PEX6: variants seen among roughly 807,000 people sequenced by gnomAD.
PEX6 encodes the protein peroxisome biogenesis factor 6.
A neutral mutation model predicts 85.6 loss-of-function variants in PEX6; 55 were observed. The ratio of observed to expected loss-of-function variants is 0.64; its 90% CI spans 0.52 to 0.80. PEX6 has a LOEUF of 0.80. PEX6 is among the 30% of genes least tolerant of loss of function. The pLI, the probability that PEX6 is intolerant of heterozygous loss-of-function variation, is 0.00. For missense variants in PEX6, 1,099 were observed against 1,260.3 expected (o/e 0.87, Z 1.94); for synonymous variants, 519 against 549.1 (o/e 0.95, Z 0.77).
In PEX6 at chr6:42,966,893, C is replaced by A. The variant is rs369004145; in HGVS notation, c.1885-35G>T. The A allele has an allele frequency of 2.6e-6, 4 of 1,558,988 alleles. No homozygotes were observed. In the African/African-American group the frequency reaches 5.4e-5, roughly 21 times the overall value. On this transcript the variant is annotated intron_variant, in intron 8 of 16. Transcript: ENST00000304611. ...CACAGGAAAGGACACATGAGCAGGGCACAGTAGGCAGGAACCTTCAGGGAC... is the reference window on the plus strand; with the variant it reads ...CACAGGAAAGGACACATGAGCAGGGAACAGTAGGCAGGAACCTTCAGGGAC...
chr6:42,973,291 C>T (rs1027810735), intron 3 of PEX6, among the ~76,000 whole-genome samples: 7 of 151,838 alleles, frequency 4.6e-5, no homozygotes, highest in Admixed American at 2.0e-4. Context: ...GGATTACAGT[C>T]GTGAGCCACC....
chr6:42,968,806 C>G, intron 6 of PEX6, 68 bp downstream of exon 6: 2 of 1,161,102 alleles, frequency 1.7e-6, no homozygotes, highest in Non-Finnish European at 2.6e-6. Context: ...GGAGAGGAAG[C>G]AGCAGAGAGG....
rs1268177698 is a variant in PEX6 at position 42,968,469 on chromosome 6, A to G, written c.1509T>C (p.Ser503=). ...GCAGTTTTGTCTCCACAGCCCCACT[A>G]CTTTCTGCACAGAGGCTGGAGCAGG... ...KVPCSSLCAE[S]SGAVETKLQA... Residue 503 remains serine, a synonymous_variant, in exon 7 of 17, where the codon AGT becomes AGC. Transcript: ENST00000304611. The G allele has an allele frequency of 3.8e-6, 6 of 1,591,108 alleles. No homozygotes were observed. Among genetic ancestry groups the G allele is most frequent in the Non-Finnish European group, 5.1e-6 (6 of 1,168,582 alleles).
rs1254816567 is a variant in PEX6, at chr6:42,978,994, G to C, written c.157C>G (p.Leu53Val). Residue 53 changes from leucine to valine, a missense_variant, in exon 1 of 17, where the codon CTG becomes GTG. This residue lies in a region of PEX6 where 579 missense variants were observed against 611.6 expected (regional missense o/e 0.95). Transcript: ENST00000304611. ...TCCGGCCCCTCCAGGGCTGCCACCA[G>C]CAGCGCCGGCCCTGCCGGGCTCTCC... is the stretch of plus-strand genomic sequence containing the variant. ...AGESPAGPALLVAALEGPDAG... is the reference protein window; with the variant it reads ...AGESPAGPALVVAALEGPDAG... 14 of 1,512,358 alleles carry C rather than the reference G, an allele frequency of 9.3e-6. No individual in the cohort carries two copies. Among genetic ancestry groups the C allele is most frequent in the Non-Finnish European group, 1.2e-5 (14 of 1,137,794 alleles). 93.7% of individuals were successfully genotyped at this position (1,512,358 alleles called of 1,614,324 possible).
rs369661341 is a variant in PEX6, at chr6:42,969,684, G to C, written c.1351C>G (p.Pro451Ala). ...CTCACTCACCCTGGCTGGAGGCGAG[G>C]CTTCAGGACAGCACAGAGTTCAGAC... ...LVSELCAVLK[P>A]RLQPGGALLT... Residue 451 changes from proline (P) to alanine (A), a missense_variant, in exon 5 of 17, where the codon CCT becomes GCT. Pro to Ala is a conservative substitution (Grantham distance 27, BLOSUM62 -1). Coordinates refer to ENST00000304611, the MANE Select transcript of PEX6 (RefSeq NM_000287.4). 3 of 1,612,736 alleles carry C rather than the reference G, an allele frequency of 1.9e-6. No individual in the cohort carries two copies. Among genetic ancestry groups the C allele is most frequent in the Non-Finnish European group, 2.5e-6 (3 of 1,180,008 alleles).
At chr6:42,972,560 G>A (rs1770099154) in intron 3 of PEX6, among the ~76,000 whole-genome samples, 1 of 152,118 alleles carries the variant, frequency 6.6e-6, no homozygotes, top group Non-Finnish European at 1.5e-5. Flanking sequence ...CACAAGGTCA[G>A]GAGATCGAGA....
rs942787028 is a variant in PEX6 at position 42,971,501 on chromosome 6, T to C, written c.1131-1514A>G. 2.0e-5 allele frequency among the ~76,000 whole-genome samples: 3 copies of C among 152,226 alleles called. No individual in the cohort carries two copies. Among genetic ancestry groups the C allele is most frequent in the Non-Finnish European group, 4.4e-5 (3 of 68,030 alleles). On this transcript the variant is annotated intron_variant, in intron 3 of 16. Coordinates refer to ENST00000304611, the MANE Select transcript of PEX6 (RefSeq NM_000287.4). This position sits in a 1 kb window ranked among gnomAD's most constrained non-coding sequence, Gnocchi z 4.4. ...CTGAGCTGTGCTCCAGCCAGCCAGATAGGTGATAGTGGAGCTGGCTCCCAT... is the reference window on the plus strand; with the variant it reads ...CTGAGCTGTGCTCCAGCCAGCCAGACAGGTGATAGTGGAGCTGGCTCCCAT...
At chr6:42,966,974 T>G (rs1274073592) in intron 8 of PEX6, 116 bp from the exon 9 acceptor site, 26 of 767,526 alleles carry the variant, frequency 3.4e-5, no homozygotes, top group African/African-American at 5.4e-5. Flanking sequence ...GTTGTTTTTT[T>G]TTTTTTTTTT....
Position 42,964,660 on chromosome 6 carries a change from G to T in PEX6, c.2806+130C>A. 2.2e-6 allele frequency: 3 copies of T among 1,342,098 alleles called. No individual in the cohort carries two copies. The highest frequency in any genetic ancestry group is 3.2e-6 in the Non-Finnish European group (3 of 939,684). 83.1% of individuals were successfully genotyped at this position (1,342,098 alleles called of 1,614,324 possible). ...TTTAGAGTTGGGGTCTCTCTGTGTT[G>T]CCCAGGCTGGCCTCAAACTCCTGGG... On this transcript the variant is annotated intron_variant, in intron 16 of 16. Transcript: ENST00000304611. This position sits in a 1 kb window ranked among gnomAD's most constrained non-coding sequence, Gnocchi z 4.6.
Position 42,966,788 on chromosome 6 carries a change from T to A in PEX6, c.1955A>T (p.Asn652Ile). The A allele has an allele frequency of 6.2e-7, 1 of 1,613,870 alleles. No individual in the cohort carries two copies. Among genetic ancestry groups the A allele is most frequent in the Non-Finnish European group, 8.5e-7 (1 of 1,180,000 alleles). Residue 652 changes from asparagine (N) to isoleucine (I), a missense_variant, in exon 9 of 17, where the codon AAC becomes ATC. Asn to Ile is a moderately radical substitution (Grantham distance 149). This residue lies in a region of PEX6 where 514 missense variants were observed against 627.0 expected (regional missense o/e 0.82). Coordinates refer to ENST00000304611, the MANE Select transcript of PEX6 (RefSeq NM_000287.4). ...GGTGCCCACGTCCTCTTACCCTGAG[T>A]TCTTGATCCTGGTGCAGGCTGCCCG... ...SSRAACTRIK[N>I]SGLAGGLTEE...
intron 9 of PEX6, 62 bp from the exon 10 acceptor site, chr6:42,966,719 T>C: frequency 1.2e-6 from 2 of 1,613,692 alleles, no homozygotes; most frequent in Non-Finnish European, 1.7e-6. Flanking sequence ...TCTCCCTTCC[T>C]CACCACCCAC....
intron 3 of PEX6, among the ~76,000 whole-genome samples, chr6:42,972,578 G>A (rs1770100127): frequency 6.6e-6 from 1 of 152,066 alleles, no homozygotes; most frequent in African/African-American, 2.4e-5. Context: ...AGACCATCCT[G>A]GTTAACACGG....
At chr6:42,966,135 C>T in intron 11 of PEX6, 30 bp from the exon 12 acceptor site, 3 of 1,613,168 alleles carry the variant, frequency 1.9e-6, no homozygotes, top group Non-Finnish European at 2.5e-6. Context: ...AAGGTGAGAG[C>T]CGTCAGATGC....
In PEX6 at chr6:42,964,398, G is replaced by C; in HGVS notation, c.2880C>G (p.Pro960=). The change falls in exon 17 of 17, where the codon CCC becomes CCG. Residue 960 remains proline, a synonymous_variant. Coordinates refer to ENST00000304611, the MANE Select transcript of PEX6 (RefSeq NM_000287.4). This position sits in a 1 kb window ranked among gnomAD's most constrained non-coding sequence, Gnocchi z 4.6. ...DLLQAAARLQ[P]SVSEQELLRY... ...GGAGCAGCTCCTGCTCACTGACTGA[G>C]GGTTGCAGCCGGGCGGCAGCCTGCA... The C allele has an allele frequency of 6.2e-7, 1 of 1,613,876 alleles. No individual in the cohort carries two copies. The highest frequency in any genetic ancestry group is 8.5e-7 in the Non-Finnish European group (1 of 1,180,018).
intron 4 of PEX6, 40 bp from the exon 5 acceptor site, chr6:42,969,841 T>C: frequency 1.2e-6 from 2 of 1,614,032 alleles, no homozygotes; most frequent in Non-Finnish European, 1.7e-6. Flanking sequence ...CTAAAAATCG[T>C]TTCTACCCCC....
intron 3 of PEX6, 24 bp from the exon 4 acceptor site, chr6:42,970,011 C>G: frequency 2.5e-6 from 4 of 1,596,436 alleles, no homozygotes; most frequent in Non-Finnish European, 3.4e-6. Flanking sequence ...GCCCAATGAA[C>G]CCCAGATCCA....
Position 42,965,818 on chromosome 6 carries a change from G to A in PEX6, c.2363-29C>T. 6.3e-7 allele frequency: 1 copy of A among 1,582,740 alleles called. No homozygotes were observed. The highest frequency in any genetic ancestry group is 1.1e-5 in the South Asian group (1 of 90,410). On this transcript the variant is annotated intron_variant, in intron 12 of 16. Transcript: ENST00000304611. The surrounding 1 kb of genome is among the most constrained non-coding windows in gnomAD (Gnocchi z 5.0). ...AAGAGAGAGAGGGGCCCACAGGAGG[G>A]CAAAGCTCGGCTTGTGGGGGGTTGA...
intron 6 of PEX6, 140 bp from the exon 7 acceptor site, chr6:42,968,638 C>T: frequency 1.2e-6 from 1 of 814,708 alleles, no homozygotes; most frequent in Non-Finnish European, 2.0e-6. Flanking sequence ...TGGCCAAGTC[C>T]TACCTCTTTT....
rs1175666950 is a variant in PEX6, at chr6:42,964,609, G to T, written c.2807-138C>A. Reference sequence around the variant, plus strand: ...CCAGGACTAGGTTTGTCTCCCACTAGTTTTTTTTTTCCCTTAAACATTTTT... The same window carrying T: ...CCAGGACTAGGTTTGTCTCCCACTATTTTTTTTTTTCCCTTAAACATTTTT... On this transcript the variant is annotated intron_variant, in intron 16 of 16. Transcript: ENST00000304611. The surrounding 1 kb of genome is among the most constrained non-coding windows in gnomAD (Gnocchi z 4.6). 5.9e-6 allele frequency: 7 copies of T among 1,190,180 alleles called. No individual in the cohort carries two copies. In the African/African-American group the frequency reaches 6.2e-5, roughly 11 times the overall value. 73.7% of individuals were successfully genotyped at this position (1,190,180 alleles called of 1,614,324 possible).
Sources: allele counts gnomAD v4.1 joint callset (sites outside exome capture counted in the v4.1 genomes callset), GRCh38; gene constraint gnomAD v4.1.1; regional missense constraint gnomAD v4.1.1; non-coding constraint Gnocchi (gnomAD v3.1); transcripts MANE v1.5; gene names NCBI Gene and HGNC (gene_info 2026-07-23, HGNC 2026-07-21).